Variants in CLCN7 observed in about 807,000 individuals in gnomAD.
CLCN7 encodes H(+)/Cl(-) exchange transporter 7.
In CLCN7, 60 loss-of-function variants were observed where a neutral mutation model predicts 102.1. The observed-to-expected ratio is 0.59, with a 90% CI of 0.48 to 0.73. The LOEUF is 0.73. Ranked by LOEUF, CLCN7 falls within the 30% of genes least tolerant of loss-of-function variation. CLCN7 has a pLI of 0.00. For synonymous variants in CLCN7, 560 were observed against 490.5 expected, an observed-to-expected ratio of 1.14 and a Z score of -1.87; for missense variants, 962 against 1,125.7, an observed-to-expected ratio of 0.85 and a Z score of 2.08.
intron 1 of CLCN7, chr16:1,467,527 C>T (rs1208489302): frequency 6.6e-6 from 1 of 152,438 alleles, no homozygotes; most frequent in African/African-American, 2.4e-5. Context: ...CTCCAGGTCT[C>T]ACCACCAGAA....
At chr16:1,455,384 GA>G (rs2038819260) in intron 11 of CLCN7, 134 bp from the exon 12 acceptor site, 2 of 764,902 alleles carry the variant, frequency 2.6e-6, no homozygotes, top group Non-Finnish European at 4.7e-6. Flanking sequence ...AGGCAGAAGG[GA>G]AGGGGCTGGA....
At chr16:1,472,138 T>G (rs2039087128) in intron 1 of CLCN7, among the ~76,000 whole-genome samples, 1 of 152,246 alleles carries the variant, frequency 6.6e-6, no homozygotes, top group South Asian at 2.1e-4. Context: ...ACAGAGCAAG[T>G]GCACGATAAA....
intron 14 of CLCN7, among the ~76,000 whole-genome samples, chr16:1,453,513 G>A (rs867044365): frequency 6.6e-6 from 1 of 152,206 alleles, no homozygotes; most frequent in African/African-American, 2.4e-5. Flanking sequence ...GGACAGCTGC[G>A]GTTGCTACCA....
rs748163271 is a variant in CLCN7 at position 1,457,649 on chromosome 16, G to C, written c.738+45C>G. ...TGGGCGTGGCGGCCCTCGCGGGCCC[G>C]GCGGCCTCAGGCTCCAGCTGGAGTG... On this transcript the variant is annotated intron_variant, in intron 8 of 24. Transcript: ENST00000382745. This position sits in a 1 kb window ranked among gnomAD's most constrained non-coding sequence, Gnocchi z 5.4. The C allele has an allele frequency of 6.2e-7, 1 of 1,603,040 alleles. No individual in the cohort carries two copies. The highest frequency in any genetic ancestry group is 1.3e-5 in the African/African-American group (1 of 74,744).
chr16:1,446,485 C>A lies in CLCN7; in HGVS notation c.*146G>T, dbSNP rs2038645103. 3.9e-6 allele frequency: 3 copies of A among 773,024 alleles called. No individual in the cohort carries two copies. In the South Asian group the frequency reaches 4.3e-5, roughly 11 times the overall value. The allele number at this position is 773,024 out of a possible 1,614,324, so 47.9% of individuals were successfully genotyped here. Reference sequence around the variant, plus strand: ...GTCCCGCGAGAGGGTCAGTTCCGCGCCTGCCGCCTGCCCGCCCAGCTGCAG... The same window carrying A: ...GTCCCGCGAGAGGGTCAGTTCCGCGACTGCCGCCTGCCCGCCCAGCTGCAG... On this transcript the variant is annotated 3_prime_UTR_variant, in exon 25 of 25. Coordinates refer to ENST00000382745, the MANE Select transcript of CLCN7 (RefSeq NM_001287.6).
At chr16:1,447,313 G>T in intron 23 of CLCN7, 79 bp downstream of exon 23, 2 of 1,400,212 alleles carry the variant, frequency 1.4e-6, no homozygotes, top group Non-Finnish European at 1.9e-6. Context: ...CCCCCCGGCT[G>T]CCCCTCCCCG....
At chr16:1,460,343 A>T (rs752958042) in intron 6 of CLCN7, 75 bp downstream of exon 6, 2 of 1,087,408 alleles carry the variant, frequency 1.8e-6, no homozygotes, top group Non-Finnish European at 2.8e-6. Context: ...GGTGAGCTGC[A>T]GGGGTTCCCG....
At position 1,451,486 on chromosome 16, in the gene CLCN7, G is replaced by A. The variant is rs1002342374; in HGVS notation, c.1447+137C>T. 1.2e-5 allele frequency: 8 copies of A among 690,812 alleles called. No individual in the cohort carries two copies. In the East Asian group the frequency reaches 2.2e-4, roughly 19 times the overall value. The allele number at this position is 690,812 out of a possible 1,614,324, so 42.8% of individuals were successfully genotyped here. A position where few individuals can be genotyped will look rare whatever the true frequency, so the allele number is the denominator to read the frequency against. On this transcript the variant is annotated intron_variant, in intron 16 of 24. Transcript: ENST00000382745. ...CTCCAAGTGCTGGGATTACAGGAGT[G>A]AGTCCCTGCTATGATCCATGCTAGG... is the stretch of plus-strand genomic sequence containing the variant.
rs768806576 is a variant in CLCN7 at position 1,450,671 on chromosome 16, G to C, written c.1448-5C>G. 18 of 1,604,372 alleles carry C rather than the reference G, an allele frequency of 1.1e-5. No homozygotes were observed. The highest frequency in any genetic ancestry group is 1.5e-5 in the Non-Finnish European group (18 of 1,175,038). On this transcript the variant is annotated splice_region_variant and splice_polypyrimidine_tract_variant and intron_variant, in intron 16 of 24. Transcript: ENST00000382745. ...GGGTCAGGGGGTTGTAGGAGCCTAG[G>C]AGAGAAGAGGGGCTGACGGGGCCTC...
rs1339523078 is a variant in CLCN7, at chr16:1,448,590, T to C, written c.1883+91A>G. ...AGCCGCTGGACAGGAAACGCGGGGC[T>C]GCCTGGAGCCCGCAAGCCGTGCACC... On this transcript the variant is annotated intron_variant, in intron 20 of 24. Transcript: ENST00000382745. 1.9e-6 allele frequency: 3 copies of C among 1,601,182 alleles called. No homozygotes were observed. The South Asian group carries it at 3.3e-5, about 18-fold the overall frequency.
At chr16:1,460,585 T>A in intron 5 of CLCN7, 58 bp from the exon 6 acceptor site, 1 of 1,426,734 alleles carries the variant, frequency 7.0e-7, no homozygotes, top group Non-Finnish European at 9.8e-7. Flanking sequence ...AGCCCAGACC[T>A]CAGCCCTGCC....
At chr16:1,452,558 CCCTGGCACCTCAGCAGACA>C in intron 15 of CLCN7, 178 bp downstream of exon 15, 4 of 618,032 alleles carry the variant, frequency 6.5e-6, no homozygotes, top group Non-Finnish European at 1.1e-5. Flanking sequence ...CCGCCCATTC[CCCTGGCACCTCAGCAGACA>C]CCTGGCCTCC....
intron 24 of CLCN7, 137 bp from the exon 25 acceptor site, chr16:1,446,854 G>A: frequency 9.1e-7 from 1 of 1,099,330 alleles, no homozygotes; most frequent in Non-Finnish European, 1.4e-6. Context: ...GCTGAGCACG[G>A]GGCTGGGGAG....
rs181519173 is a variant in CLCN7, at chr16:1,460,610, G to C, written c.485-83C>G. 2.0e-4 allele frequency: 267 copies of C among 1,316,394 alleles called. 4 individuals carry two copies. The South Asian group carries it at 2.4e-3, about 12-fold the overall frequency. 81.5% of individuals were successfully genotyped at this position (1,316,394 alleles called of 1,614,324 possible). On this transcript the variant is annotated intron_variant, in intron 5 of 24. Transcript: ENST00000382745. The stretch of plus-strand genomic sequence containing the variant: ...TCAGCCCTGCCCCACAGACCAGCCT[G>C]GCAGATGCCACCCTGCTGGGTGGAG...
rs780120728 is a variant in CLCN7, at chr16:1,457,688, T to A, written c.738+6A>T. The A allele has an allele frequency of 6.2e-7, 1 of 1,613,624 alleles. No individual in the cohort carries two copies. The highest frequency in any genetic ancestry group is 1.1e-5 in the South Asian group (1 of 91,090). On this transcript the variant is annotated splice_donor_region_variant and intron_variant, in intron 8 of 24. Transcript: ENST00000382745. This position sits in a 1 kb window ranked among gnomAD's most constrained non-coding sequence, Gnocchi z 5.4. ...CCAGCTGGAGTGGCCATGTGCACTT[T>A]GTTACCTTTCCCACGGCCAGGCCCC...
chr16:1,449,312 C>T lies in CLCN7; in HGVS notation c.1633G>A (p.Gly545Ser). The T allele has an allele frequency of 1.3e-6, 2 of 1,586,854 alleles. No homozygotes were observed. Among genetic ancestry groups the T allele is most frequent in the Non-Finnish European group, 1.7e-6 (2 of 1,167,008 alleles). Residue 545 changes from glycine to serine, a missense_variant, in exon 18 of 25, where the codon GGC (glycine) becomes AGC (serine). Coordinates refer to ENST00000382745, the MANE Select transcript of CLCN7 (RefSeq NM_001287.6). ...LTGAAIWADP[G>S]KYALMGAAAQ... is the part of the protein sequence containing the mutation. ...GCAGCTCCCATCAGGGCGTATTTGC[C>T]GGGGTCCGCCCAGATCTGTGGGAGG...
At chr16:1,468,695 G>C (rs1210499348) in intron 1 of CLCN7, among the ~76,000 whole-genome samples, 1 of 152,028 alleles carries the variant, frequency 6.6e-6, no homozygotes, top group Non-Finnish European at 1.5e-5. Context: ...GTTGGGAGTG[G>C]GTGGGACTAG....
chr16:1,455,729 ACGATCCT>A lies in CLCN7; in HGVS notation c.976_981+1del. ...AGGAGGCAGCCATCAGCAGGAACTT[ACGATCCT>A]CCAGGTCAGGAACTGGTTCCAGAAG... On this transcript the variant is annotated splice_donor_variant and coding_sequence_variant, in exon 11 of 25. Transcript: ENST00000382745. LOFTEE classifies it high-confidence loss of function. 1 of 1,613,778 alleles carries A rather than the reference ACGATCCT, an allele frequency of 6.2e-7. No homozygotes were observed. The highest frequency in any genetic ancestry group is 1.1e-5 in the South Asian group (1 of 91,076).
intron 1 of CLCN7, 36 bp downstream of exon 1, chr16:1,474,798 G>A (rs2039127888): frequency 2.0e-5 from 26 of 1,289,042 alleles, no homozygotes; most frequent in Non-Finnish European, 2.3e-5. Context: ...GCGCACGAGG[G>A]CTCAGTTTCC....
Sources: allele counts gnomAD v4.1 joint callset (sites outside exome capture counted in the v4.1 genomes callset), GRCh38; gene constraint gnomAD v4.1.1; non-coding constraint Gnocchi (gnomAD v3.1); transcripts MANE v1.5; gene names NCBI Gene and HGNC (gene_info 2026-07-23, HGNC 2026-07-21).